XYLB: variants seen among roughly 807,000 people sequenced by gnomAD.
The protein encoded by XYLB is xylulose kinase.
A neutral mutation model predicts 78.7 loss-of-function variants in XYLB; 62 were observed. That is an observed-to-expected ratio of 0.79 (90% CI 0.64 to 0.97). The LOEUF is 0.97. Among genes scored for constraint, XYLB ranks in the 50% least tolerant of loss-of-function variants. The probability of loss-of-function intolerance (pLI) is 0.00; values close to 1 mark genes in which losing one functional copy is unlikely to be tolerated. For missense variants in XYLB, 687 were observed against 676.8 expected (o/e 1.02, Z -0.17); for synonymous variants, 245 against 247.4 (o/e 0.99, Z 0.09).
downstream of XYLB, among the ~76,000 whole-genome samples, chr3:38,419,603 T>TATATATATATATATATATATATATAAAA (rs71085322): frequency 2.5e-5 from 2 of 80,888 alleles, no homozygotes; most frequent in African/African-American, 6.6e-5. Context: ...TATATATATA[T>TATATATATATATATATATATATATAAAA]AATAGCCATC....
At position 38,366,622 on chromosome 3, in the gene XYLB, T is replaced by C. The variant is rs377045919; in HGVS notation, c.508-186T>C. Among the ~76,000 whole-genome samples the C allele has an allele frequency of 5.1e-4, 77 of 152,316 alleles. 1 individual carries two copies. In the South Asian group the frequency reaches 0.013, roughly 25 times the overall value. On this transcript the variant is annotated intron_variant, in intron 6 of 18. Coordinates refer to ENST00000207870, the MANE Select transcript of XYLB (RefSeq NM_005108.4). ...GGACTCCTGGGCTCCAGAGTTCCTCTCGCTTCAGCCTCCTGAGTAGCTGGG... is the reference window on the plus strand; with the variant it reads ...GGACTCCTGGGCTCCAGAGTTCCTCCCGCTTCAGCCTCCTGAGTAGCTGGG...
chr3:38,375,299 G>A, intron 12 of XYLB, 40 bp downstream of exon 12: 2 of 1,580,066 alleles, frequency 1.3e-6, no homozygotes, highest in Non-Finnish European at 1.7e-6. Context: ...CCTGGGTGAG[G>A]AGGTGTGGGC....
At chr3:38,363,077 G>A (rs779102156) in intron 4 of XYLB, 60 bp downstream of exon 4, 34 of 1,345,982 alleles carry the variant, frequency 2.5e-5, no homozygotes, top group Non-Finnish European at 3.2e-5. Flanking sequence ...CAATGGTGTG[G>A]GTGTTGAAGA....
intron 7 of XYLB, among the ~76,000 whole-genome samples, chr3:38,367,452 C>A (rs763220035): frequency 6.6e-6 from 1 of 152,208 alleles, no homozygotes; most frequent in Admixed American, 6.5e-5. Flanking sequence ...CACATTAAAC[C>A]AAAGCACCTT....
At chr3:38,372,379 G>T in intron 9 of XYLB, 4 of 984,940 alleles carry the variant, frequency 4.1e-6, no homozygotes, top group Non-Finnish European at 4.8e-6. Flanking sequence ...GGGTTGGTTT[G>T]TTCTCTCTAT....
At chr3:38,366,128 G>T (rs962240357) in intron 6 of XYLB, among the ~76,000 whole-genome samples, 3 of 150,756 alleles carry the variant, frequency 2.0e-5, no homozygotes, top group African/African-American at 4.9e-5. Context: ...AAAAAAAAAG[G>T]AAAAAAAATA....
At chr3:38,355,300 T>C (rs1705588993) in intron 2 of XYLB, among the ~76,000 whole-genome samples, 2 of 152,206 alleles carry the variant, frequency 1.3e-5, no homozygotes, top group African/African-American at 4.8e-5. Context: ...TAGCTACTGT[T>C]AGCTACCTAT....
intron 17 of XYLB, among the ~76,000 whole-genome samples, chr3:38,400,507 C>T (rs1708076896): frequency 6.6e-6 from 1 of 152,034 alleles, no homozygotes; most frequent in Admixed American, 6.5e-5. Context: ...GAGAGAAGAC[C>T]AGGCTGTCCA....
chr3:38,351,171 C>CAAAAAAAGAAAAAAAAAAAAAAAA, intron 2 of XYLB, among the ~76,000 whole-genome samples: 1 of 23,074 alleles, frequency 4.3e-5, no homozygotes, highest in Non-Finnish European at 9.8e-5. Flanking sequence ...GAGCCTGTCT[C>CAAAAAAAGAAAAAAAAAAAAAAAA]AAAAAAAAAA....
At chr3:38,444,155 G>A in the XYLB span, among the ~76,000 whole-genome samples, 1 of 152,216 alleles carries the variant, frequency 6.6e-6, no homozygotes, top group Admixed American at 6.5e-5. Flanking sequence ...GTTTGCCCTA[G>A]ACCCTGTAGG....
At chr3:38,430,350 CT>C in the XYLB span, among the ~76,000 whole-genome samples, 2 of 152,258 alleles carry the variant, frequency 1.3e-5, no homozygotes, top group East Asian at 1.9e-4. Flanking sequence ...GCATAAATGT[CT>C]TTTTTTGAGA....
chr3:38,348,422 C>G, intron 1 of XYLB, 128 bp from the exon 2 acceptor site: 4 of 759,144 alleles, frequency 5.3e-6, no homozygotes, highest in Non-Finnish European at 8.8e-6. Flanking sequence ...GGCAGCCCTG[C>G]CTTCAAGGAG....
intron 1 of XYLB, among the ~76,000 whole-genome samples, chr3:38,347,812 G>A (rs1225763471): frequency 2.0e-5 from 3 of 152,332 alleles, no homozygotes; most frequent in African/African-American, 7.2e-5. Context: ...TGCTGCCAAC[G>A]CCCTGCAGAC....
the XYLB span, chr3:38,450,973 G>T: frequency 6.6e-6 from 1 of 152,296 alleles, no homozygotes; most frequent in Non-Finnish European, 1.5e-5. Context: ...CCAGGGGTTT[G>T]GTCTAGGTCC....
the XYLB span, among the ~76,000 whole-genome samples, chr3:38,432,994 G>A: frequency 1.4e-4 from 21 of 152,374 alleles, no homozygotes; most frequent in Non-Finnish European, 2.4e-4. Context: ...CCAACCCCAC[G>A]TTTCCCTTCT....
At chr3:38,444,391 A>G in the XYLB span, among the ~76,000 whole-genome samples, 1 of 152,116 alleles carries the variant, frequency 6.6e-6, no homozygotes, top group African/African-American at 2.4e-5. Flanking sequence ...CTTATCATTA[A>G]TAGGAAGGGG....
chr3:38,400,219 G>C (rs1383004248), intron 17 of XYLB, among the ~76,000 whole-genome samples: 2 of 152,130 alleles, frequency 1.3e-5, no homozygotes, highest in Non-Finnish European at 2.9e-5. Flanking sequence ...GGTGTGCTAG[G>C]CACCATGGTT....
intron 4 of XYLB, among the ~76,000 whole-genome samples, chr3:38,364,650 A>G (rs1706150543): frequency 6.6e-6 from 1 of 151,214 alleles, no homozygotes; most frequent in Admixed American, 6.6e-5. Flanking sequence ...ACTCATGACC[A>G]CTTCCTCTCA....
At position 38,390,608 on chromosome 3, in the gene XYLB, G is replaced by A. The variant is rs116271428; in HGVS notation, c.1292-4897G>A. Among the ~76,000 whole-genome samples the A allele has an allele frequency of 5.5e-3, 843 of 152,212 alleles. 10 individuals are homozygous for A. Among genetic ancestry groups the A allele is most frequent in the African/African-American group, 0.019 (782 of 41,522 alleles). On this transcript the variant is annotated intron_variant, in intron 15 of 18. Transcript: ENST00000207870. ...TGTGATCACGGCTCATTGCAGCCTT[G>A]AATTCCTGGGCTCAAGCAATCCTCC... is the stretch of plus-strand genomic sequence containing the variant.
Sources: gnomAD v4.1 joint callset for allele counts (sites outside exome capture counted in the v4.1 genomes callset) on GRCh38, gnomAD v4.1.1 for gene constraint, MANE v1.5 for transcripts, NCBI Gene and HGNC (gene_info 2026-07-23, HGNC 2026-07-21) for gene names.